ANKRD36C: variants seen among roughly 807,000 people sequenced by gnomAD.
The protein encoded by ANKRD36C is ankyrin repeat domain-containing protein 36C.
ANKRD36C carries 61 observed loss-of-function variants against 276.4 expected under a neutral mutation model. The observed-to-expected ratio is 0.22, with a 90% CI of 0.18 to 0.27. ANKRD36C has a LOEUF of 0.27. ANKRD36C is among the 10% of genes least tolerant of loss of function. The pLI is 1.00. For missense variants in ANKRD36C, 1,447 were observed against 2,032.3 expected, an observed-to-expected ratio of 0.71 and a Z score of 5.54; for synonymous variants, 483 against 680.1, an observed-to-expected ratio of 0.71 and a Z score of 4.51.
intron 38 of ANKRD36C, 60 bp downstream of exon 40, chr2:95,915,920 C>T (rs1022164064): frequency 2.3e-5 from 35 of 1,521,118 alleles, no homozygotes; most frequent in African/African-American, 1.4e-4. Flanking sequence ...CTGATTTATT[C>T]GGGGAAGAGA....
At chr2:95,867,637 A>C in intron 59 of ANKRD36C, 56 bp from the exon 80 acceptor site, 1 of 1,486,924 alleles carries the variant, frequency 6.7e-7, no homozygotes, top group Non-Finnish European at 9.1e-7. Context: ...TAGCATATAC[A>C]AAATGTACAG....
intron 36 of ANKRD36C, 68 bp from the exon 39 acceptor site, chr2:95,916,239 A>C: frequency 6.3e-7 from 1 of 1,591,896 alleles, no homozygotes; most frequent in Non-Finnish European, 8.5e-7. Context: ...ACATTCACAC[A>C]GTGTTAGCAT....
At chr2:95,973,586 C>CTA (rs1487601741) in intron 6 of ANKRD36C, among the ~76,000 whole-genome samples, 3 of 152,098 alleles carry the variant, frequency 2.0e-5, no homozygotes, top group African/African-American at 7.2e-5. Flanking sequence ...CTAAAAATAT[C>CTA]TATTAAAACT....
downstream of ANKRD36C, among the ~76,000 whole-genome samples, chr2:95,849,756 G>A (rs1301411704): frequency 6.6e-6 from 1 of 152,212 alleles, no homozygotes; most frequent in African/African-American, 2.4e-5. Flanking sequence ...TCCCTTGAAC[G>A]TGCAGTTCAC....
At chr2:95,929,441 A>T (rs926164699) in intron 24 of ANKRD36C, among the ~76,000 whole-genome samples, 174 bp from the exon 25 acceptor site, 2 of 151,456 alleles carry the variant, frequency 1.3e-5, no homozygotes, top group Non-Finnish European at 3.0e-5. Flanking sequence ...AATACACTGA[A>T]GAAAATAGGA....
rs572056794 is a variant in ANKRD36C at position 95,989,196 on chromosome 2, TAATAA to T, written c.198-1995_198-1991del. 2.9e-3 allele frequency among the ~76,000 whole-genome samples: 444 copies of T among 152,212 alleles called. 3 individuals are homozygous for T. The highest frequency in any genetic ancestry group is 9.9e-3 in the African/African-American group (412 of 41,530). Reference sequence around the variant, plus strand: ...ATAAACAAACAAGCAAAGAAATAAATAATAAAATAAAATAGAAACTGAGAATTATT... The same window carrying T: ...ATAAACAAACAAGCAAAGAAATAAATAATAAAATAGAAACTGAGAATTATT... On this transcript the variant is annotated intron_variant, in intron 1 of 66. Coordinates refer to ENST00000456556, the Ensembl canonical transcript of ANKRD36C.
intron 5 of ANKRD36C, among the ~76,000 whole-genome samples, chr2:95,979,889 A>G (rs139013322): frequency 0.026 from 3,972 of 152,036 alleles, 186 homozygotes; most frequent in African/African-American, 0.092. Flanking sequence ...CTCCGTATGT[A>G]TGTTGATAAA....
chr2:95,912,188 G>T, intron 42 of ANKRD36C, 56 bp downstream of exon 44: 2 of 1,538,046 alleles, frequency 1.3e-6, no homozygotes, highest in South Asian at 2.4e-5. Context: ...TTTATTCGGG[G>T]AAGAGAACTT....
At chr2:95,860,065 T>A in exon 61 of ANKRD36C, 2 of 1,529,894 alleles carry the variant, frequency 1.3e-6, no homozygotes, top group Non-Finnish European at 8.8e-7. Context: ...TTTCAATAGG[T>A]GAACACAATC....
chr2:95,882,582 G>A, intron 54 of ANKRD36C, 85 bp from the exon 75 acceptor site: 1 of 1,492,670 alleles, frequency 6.7e-7, no homozygotes, highest in Non-Finnish European at 9.0e-7. Context: ...GCATCAAGCT[G>A]TATCCTCCTG....
rs376415422 is a variant in ANKRD36C, at chr2:95,980,976, AG to A, written c.594-192del. ...CAAAGGTTAAAAGCAAGGAACAAAAAGGAAGCCTCTTGTCCCACTGTGGTAT... is the reference window on the plus strand; with the variant it reads ...CAAAGGTTAAAAGCAAGGAACAAAAAGAAGCCTCTTGTCCCACTGTGGTAT... On this transcript the variant is annotated intron_variant, in intron 4 of 66. Transcript: ENST00000456556. 5.8e-3 allele frequency among the ~76,000 whole-genome samples: 877 copies of A among 152,244 alleles called. 6 individuals carry two copies. Among genetic ancestry groups the A allele is most frequent in the African/African-American group, 0.02 (841 of 41,572 alleles).
chr2:95,919,828 T>C, intron 34 of ANKRD36C, 23 bp from the exon 36 acceptor site: 6 of 1,507,786 alleles, frequency 4.0e-6, no homozygotes, highest in Non-Finnish European at 5.3e-6. Context: ...TGAAAGAAAA[T>C]AATAAATAAA....
chr2:95,962,399 A>C, exon 8 of ANKRD36C: 3 of 1,568,518 alleles, frequency 1.9e-6, no homozygotes. Flanking sequence ...TATATTCGAG[A>C]TAGAATCTTC....
rs1261665720 is a variant in ANKRD36C, at chr2:95,986,738, GGTT to G, written c.486+10_486+12del. 1 of 1,599,502 alleles carries G rather than the reference GGTT, an allele frequency of 6.3e-7. No individual in the cohort carries two copies. The highest frequency in any genetic ancestry group is 8.5e-7 in the Non-Finnish European group (1 of 1,172,322). ...TTTCAGATAGTTTGAAAATAACATTGGTTGACCTATACCTCGCTGCATTCTTCA... is the reference window on the plus strand; with the variant it reads ...TTTCAGATAGTTTGAAAATAACATTGGACCTATACCTCGCTGCATTCTTCA... On this transcript the variant is annotated intron_variant, in intron 3 of 66. Transcript: ENST00000456556.
chr2:95,946,463 C>A (rs1281002982), intron 17 of ANKRD36C, among the ~76,000 whole-genome samples: 12 of 142,630 alleles, frequency 8.4e-5, no homozygotes. Context: ...GTTGGTGGGA[C>A]TGTAAACTAG....
chr2:95,870,008 G>A (rs1675769017), intron 59 of ANKRD36C, among the ~76,000 whole-genome samples: 1 of 152,238 alleles, frequency 6.6e-6, no homozygotes, highest in South Asian at 2.1e-4. Context: ...AAAGCAGCTG[G>A]GAAGCTCGAA....
At chr2:95,897,304 G>A in intron 44 of ANKRD36C, 1 of 1,534,258 alleles carries the variant, frequency 6.5e-7, no homozygotes, top group South Asian at 1.2e-5. Context: ...TTTTTCCTCT[G>A]GCTATATTCA....
intron 60 of ANKRD36C, among the ~76,000 whole-genome samples, chr2:95,862,954 C>T (rs1486427932): frequency 6.6e-6 from 1 of 151,648 alleles, no homozygotes. Context: ...CTTTGCTGAA[C>T]CCACAACTGC....
At chr2:95,964,078 C>A (rs1341767414) in intron 6 of ANKRD36C, among the ~76,000 whole-genome samples, 1 of 133,250 alleles carries the variant, frequency 7.5e-6, no homozygotes, top group East Asian at 2.2e-4. Context: ...GATATACATT[C>A]TTTTATTACT....
Sources: allele counts gnomAD v4.1 joint callset (sites outside exome capture counted in the v4.1 genomes callset), GRCh38; gene constraint gnomAD v4.1.1; transcripts MANE v1.5; gene names NCBI Gene and HGNC (gene_info 2026-07-23, HGNC 2026-07-21).